Variants in LEPROTL1 observed in about 807,000 individuals in gnomAD.
LEPROTL1 encodes the protein leptin receptor overlapping transcript like 1, also known as leptin receptor overlapping transcript-like 1.
Under a neutral mutation model 15.4 loss-of-function variants are expected in LEPROTL1, and 6 were observed. The ratio of observed to expected loss-of-function variants is 0.39; its 90% confidence interval spans 0.21 to 0.77. The LOEUF is 0.77. Among genes scored for constraint, LEPROTL1 ranks in the 30% least tolerant of loss-of-function variants. LEPROTL1 has a pLI of 0.41. For missense variants in LEPROTL1, 128 were observed against 158.1 expected (o/e 0.81, Z 1.02); for synonymous variants, 56 against 52.6 (o/e 1.06, Z -0.28).
chr8:30,104,728 T>C lies in LEPROTL1; in HGVS notation c.279+242T>C, dbSNP rs79111524. On this transcript the variant is annotated intron_variant, in intron 3 of 3. Coordinates refer to ENST00000321250, the MANE Select transcript of LEPROTL1 (RefSeq NM_015344.3). ...CTTTTTTTTTTCTTTTTTTTTTTTT[T>C]TTGAGATGGAGTCTTGCTCTGTCGC... 1.9e-5 allele frequency: 6 copies of C among 317,944 alleles called. No individual in the cohort carries two copies. The East Asian group carries it at 2.3e-4, about 12-fold the overall frequency. The allele number at this position is 317,944 out of a possible 1,614,324, so 19.7% of individuals were successfully genotyped here.
At chr8:30,132,708 GCA>G in intron 4 of LEPROTL1, 1 of 1,551,770 alleles carries the variant, frequency 6.4e-7, no homozygotes, top group Non-Finnish European at 8.7e-7. Context: ...GCTGGAAGGA[GCA>G]CAGAGAGCCT....
At chr8:30,134,068 C>G (rs1379461904) in intron 4 of LEPROTL1, among the ~76,000 whole-genome samples, 1 of 152,202 alleles carries the variant, frequency 6.6e-6, no homozygotes, top group East Asian at 1.9e-4. Context: ...GTCATTGAGC[C>G]TGTACTCAAA....
At chr8:30,116,460 TC>T (rs945437614) in intron 3 of LEPROTL1, among the ~76,000 whole-genome samples, 10 of 152,098 alleles carry the variant, frequency 6.6e-5, no homozygotes, top group Admixed American at 6.5e-4. Flanking sequence ...GCAACCTAGA[TC>T]CCTCGCATGT....
In LEPROTL1 at chr8:30,095,455, G is replaced by T; in HGVS notation, c.-58G>T. 1 of 1,460,022 alleles carries T rather than the reference G, an allele frequency of 6.8e-7. No homozygotes were observed. The highest frequency in any genetic ancestry group is 9.0e-7 in the Non-Finnish European group (1 of 1,109,462). The allele number at this position is 1,460,022 out of a possible 1,614,324, so 90.4% of individuals were successfully genotyped here. ...CGCCGTAGCGCGTCTTGGGTCTCCCGGCTGCCGCTGCTGCCGCCGCCGCCT... is the reference window on the plus strand; with the variant it reads ...CGCCGTAGCGCGTCTTGGGTCTCCCTGCTGCCGCTGCTGCCGCCGCCGCCT... On this transcript the variant is annotated 5_prime_UTR_variant, in exon 1 of 4. Transcript: ENST00000321250.
chr8:30,133,884 A>T (rs1025071509), intron 4 of LEPROTL1, among the ~76,000 whole-genome samples: 6 of 152,186 alleles, frequency 3.9e-5, no homozygotes, highest in African/African-American at 1.4e-4. Context: ...GAGCCAGGAA[A>T]AGGTATGAAG....
At chr8:30,118,231 T>C (rs1276731594) in intron 3 of LEPROTL1, among the ~76,000 whole-genome samples, 1 of 152,006 alleles carries the variant, frequency 6.6e-6, no homozygotes, top group Non-Finnish European at 1.5e-5. Context: ...GCCAGGCTGG[T>C]CTCGAATTCC....
At position 30,106,034 on chromosome 8, in the gene LEPROTL1, A is replaced by AATC; in HGVS notation, c.*173_*174insTCA. ...ATACTATTTTCACAGAGACTTGCTG[A>AATC]AGGATTAAAAGGATTTTCTCTTTTG... On this transcript the variant is annotated 3_prime_UTR_variant, in exon 4 of 4. Transcript: ENST00000321250. 3.4e-6 allele frequency: 4 copies of AATC among 1,165,490 alleles called. No homozygotes were observed. The highest frequency in any genetic ancestry group is 4.3e-6 in the Non-Finnish European group (4 of 939,536). The allele number at this position is 1,165,490 out of a possible 1,614,324, so 72.2% of individuals were successfully genotyped here. A position where few individuals can be genotyped will look rare whatever the true frequency, so the allele number is the denominator to read the frequency against.
rs541922991 is a variant in LEPROTL1, at chr8:30,105,639, C to T, written c.280-107C>T. The stretch of plus-strand genomic sequence containing the variant: ...CACTGTGACAATTATTGTTACAAGG[C>T]ATGCTTCTTTTAGATCATAATTGGG... On this transcript the variant is annotated intron_variant, in intron 3 of 3. Transcript: ENST00000321250. The T allele has an allele frequency of 1.7e-5, 12 of 717,896 alleles. No homozygotes were observed. The South Asian group carries it at 2.1e-4, about 12-fold the overall frequency. 44.5% of individuals were successfully genotyped at this position (717,896 alleles called of 1,614,324 possible).
At chr8:30,127,668 C>CAA (rs5890499) in intron 3 of LEPROTL1, among the ~76,000 whole-genome samples, 2 of 97,892 alleles carry the variant, frequency 2.0e-5, no homozygotes, top group African/African-American at 7.5e-5. Flanking sequence ...GACCCTGTCT[C>CAA]AAAAAAAAAA....
At chr8:30,119,526 C>T (rs1327523485) in intron 3 of LEPROTL1, among the ~76,000 whole-genome samples, 2 of 152,092 alleles carry the variant, frequency 1.3e-5, no homozygotes, top group Non-Finnish European at 2.9e-5. Flanking sequence ...AATTTCTATT[C>T]TGTGTCTGTG....
chr8:30,104,247 G>A, intron 2 of LEPROTL1, 53 bp from the exon 3 acceptor site: 1 of 1,090,924 alleles, frequency 9.2e-7, no homozygotes, highest in South Asian at 2.0e-5. Flanking sequence ...CATATTTTGT[G>A]TGTAGGAAAA....
intron 3 of LEPROTL1, 102 bp from the exon 4 acceptor site, chr8:30,105,644 T>A (rs1011669796): frequency 2.3e-5 from 19 of 819,724 alleles, no homozygotes; most frequent in Non-Finnish European, 3.6e-5. Flanking sequence ...CAAGGCATGC[T>A]TCTTTTAGAT....
intron 3 of LEPROTL1, 32 bp from the exon 4 acceptor site, chr8:30,105,714 G>A: frequency 6.4e-7 from 1 of 1,560,074 alleles, no homozygotes; most frequent in Non-Finnish European, 8.7e-7. Flanking sequence ...CGTTTTTCAT[G>A]CCTGTTGACT....
At chr8:30,099,235 G>C (rs1189546764) in intron 1 of LEPROTL1, among the ~76,000 whole-genome samples, 1 of 152,154 alleles carries the variant, frequency 6.6e-6, no homozygotes, top group Non-Finnish European at 1.5e-5. Context: ...GTGCTCCATA[G>C]ATGTTTGTTA....
intron 4 of LEPROTL1, chr8:30,132,561 C>T (rs978057179): frequency 4.5e-6 from 7 of 1,551,592 alleles, no homozygotes; most frequent in African/African-American, 2.7e-5. Context: ...CAGTCAGTCC[C>T]GCTCCTGCAT....
chr8:30,111,752 G>A (rs73574792), downstream of LEPROTL1, among the ~76,000 whole-genome samples: 3,565 of 152,276 alleles, frequency 0.023, 142 homozygotes, highest in African/African-American at 0.081. Context: ...ACAGAAAGAG[G>A]TCGGGTGGGG....
chr8:30,106,368 G>A lies in LEPROTL1; in HGVS notation c.*506G>A. ...TGTTATGCAGACATACAGACGGTTG[G>A]CATACGTTATAGACTGTATACTCAG... On this transcript the variant is annotated 3_prime_UTR_variant, in exon 4 of 4. Transcript: ENST00000321250. 1.0e-6 allele frequency: 1 copy of A among 986,238 alleles called. No homozygotes were observed. Among genetic ancestry groups the A allele is most frequent in the Non-Finnish European group, 1.2e-6 (1 of 830,210 alleles). The allele number at this position is 986,238 out of a possible 1,614,324, so 61.1% of individuals were successfully genotyped here.
rs562825253 is a variant in LEPROTL1, at chr8:30,104,108, T to C, written c.93-192T>C. 3.9e-5 allele frequency among the ~76,000 whole-genome samples: 6 copies of C among 152,322 alleles called. No homozygotes were observed. The East Asian group carries it at 9.6e-4, about 24-fold the overall frequency. On this transcript the variant is annotated intron_variant, in intron 2 of 3. Transcript: ENST00000321250. The stretch of plus-strand genomic sequence containing the variant: ...GTTCTTACTTTTAGCTTCTTTTCTG[T>C]ATTTTGATTTCTGTAATTTGGGAGT...
In LEPROTL1 at chr8:30,095,475, C is replaced by T; in HGVS notation, c.-38C>T. The T allele has an allele frequency of 6.8e-7, 1 of 1,466,738 alleles. No individual in the cohort carries two copies. The highest frequency in any genetic ancestry group is 9.0e-7 in the Non-Finnish European group (1 of 1,113,934). 90.9% of individuals were successfully genotyped at this position (1,466,738 alleles called of 1,614,324 possible). A position where few individuals can be genotyped will look rare whatever the true frequency, so the allele number is the denominator to read the frequency against. On this transcript the variant is annotated 5_prime_UTR_variant, in exon 1 of 4. Transcript: ENST00000321250. ...CTCCCGGCTGCCGCTGCTGCCGCCG[C>T]CGCCTCGGGTCGTGGAGCCAGGAGC...
Sources: gnomAD v4.1 joint callset for allele counts (sites outside exome capture counted in the v4.1 genomes callset) on GRCh38, gnomAD v4.1.1 for gene constraint, MANE v1.5 for transcripts, NCBI Gene and HGNC (gene_info 2026-07-23, HGNC 2026-07-21) for gene names.